STPG2: variants seen among roughly 807,000 people sequenced by gnomAD.
STPG2 encodes sperm-tail PG-rich repeat-containing protein 2.
Under a neutral mutation model 54.2 loss-of-function variants are expected in STPG2, and 56 were observed. The ratio of observed to expected loss-of-function variants is 1.03; its 90% CI spans 0.83 to 1.29. STPG2 has a LOEUF of 1.29. Ranked by LOEUF, STPG2 falls within the 50% of genes most tolerant of loss-of-function variation. STPG2 has a pLI of 0.00. For missense variants in STPG2, 596 were observed against 544.9 expected, an observed-to-expected ratio of 1.09 and a Z score of -0.93; for synonymous variants, 200 against 181.8, an observed-to-expected ratio of 1.10 and a Z score of -0.81.
At chr4:97,974,617 T>C (rs1057112944) in intron 6 of STPG2, among the ~76,000 whole-genome samples, 1 of 152,050 alleles carries the variant, frequency 6.6e-6, no homozygotes, top group African/African-American at 2.4e-5. Flanking sequence ...GTTCTCATGA[T>C]AGTGAGTAAG....
intron 10 of STPG2, among the ~76,000 whole-genome samples, chr4:97,616,634 A>AT (rs1271050529): frequency 4.6e-5 from 7 of 152,080 alleles, no homozygotes; most frequent in Admixed American, 1.3e-4. Flanking sequence ...GAATTGCATG[A>AT]TAACTGATTA....
chr4:98,074,128 G>C (rs767281259), intron 5 of STPG2, among the ~76,000 whole-genome samples: 2 of 152,130 alleles, frequency 1.3e-5, no homozygotes, highest in Non-Finnish European at 2.9e-5. Flanking sequence ...GCCTGTTATA[G>C]TTCTTTAGAT....
intron 6 of STPG2, 34 bp downstream of exon 6, chr4:97,981,125 C>A: frequency 6.3e-7 from 1 of 1,595,548 alleles, no homozygotes; most frequent in Non-Finnish European, 8.5e-7. Context: ...CTTTATAAAG[C>A]CAAAGAGTAG....
intron 5 of STPG2, among the ~76,000 whole-genome samples, chr4:98,096,573 A>T (rs1421907030): frequency 6.6e-6 from 1 of 152,140 alleles, no homozygotes; most frequent in Non-Finnish European, 1.5e-5. Context: ...TAAAATGGCA[A>T]GAGCAAACCA....
At chr4:97,651,109 C>T (rs966266749) in intron 10 of STPG2, among the ~76,000 whole-genome samples, 9 of 152,024 alleles carry the variant, frequency 5.9e-5, no homozygotes, top group African/African-American at 2.2e-4. Flanking sequence ...ACACTCCCAT[C>T]ACTTTTTCCT....
chr4:98,109,335 G>A lies in STPG2; in HGVS notation c.388-30C>T, dbSNP rs1739280414. On this transcript the variant is annotated intron_variant, in intron 3 of 10. Transcript: ENST00000295268. ...AAAATAAAAAGTTTTAAAAAGTGAG[G>A]ATGAAACATAGTTTAAATAAGTCAT... The A allele has an allele frequency of 4.0e-6, 6 of 1,498,010 alleles. No homozygotes were observed. The Admixed American group carries it at 5.3e-5, about 13-fold the overall frequency. The allele number at this position is 1,498,010 out of a possible 1,614,324, so 92.8% of individuals were successfully genotyped here.
At chr4:97,764,060 G>A (rs1021692384) in intron 9 of STPG2, among the ~76,000 whole-genome samples, 1 of 149,822 alleles carries the variant, frequency 6.7e-6, no homozygotes, top group Non-Finnish European at 1.5e-5. Context: ...ACAGAACATG[G>A]TAGAGCTTCT....
intron 10 of STPG2, among the ~76,000 whole-genome samples, chr4:97,700,846 G>T (rs1578491117): frequency 6.6e-6 from 1 of 152,204 alleles, no homozygotes; most frequent in African/African-American, 2.4e-5. Flanking sequence ...CTGAGTCAAT[G>T]GCTGCATAGC....
At chr4:97,820,517 A>G (rs1050206716) in intron 9 of STPG2, among the ~76,000 whole-genome samples, 5 of 152,218 alleles carry the variant, frequency 3.3e-5, no homozygotes, top group African/African-American at 1.2e-4. Flanking sequence ...TGCAATAGAA[A>G]AGTTCTTGAA....
downstream of STPG2, among the ~76,000 whole-genome samples, chr4:97,556,538 T>G (rs1315392717): frequency 6.6e-6 from 1 of 152,186 alleles, no homozygotes; most frequent in East Asian, 1.9e-4. Flanking sequence ...CATTTTATGA[T>G]TTGGAGGCTG....
At chr4:97,637,343 C>T (rs1319307762) in intron 10 of STPG2, among the ~76,000 whole-genome samples, 1 of 151,122 alleles carries the variant, frequency 6.6e-6, no homozygotes, top group Non-Finnish European at 1.5e-5. Context: ...GGACATATTT[C>T]AAAATAATAA....
At chr4:98,005,208 C>T (rs1735539538) in intron 5 of STPG2, among the ~76,000 whole-genome samples, 1 of 152,206 alleles carries the variant, frequency 6.6e-6, no homozygotes, top group Non-Finnish European at 1.5e-5. Flanking sequence ...TTTTTTCTAG[C>T]CACACTGGCA....
chr4:97,637,471 T>C (rs981181739), intron 10 of STPG2, among the ~76,000 whole-genome samples: 2 of 152,204 alleles, frequency 1.3e-5, no homozygotes, highest in Non-Finnish European at 2.9e-5. Flanking sequence ...CTATTCAACA[T>C]AGTGTTGGAA....
intron 5 of STPG2, among the ~76,000 whole-genome samples, chr4:98,012,174 C>T (rs1735776890): frequency 6.6e-6 from 1 of 152,156 alleles, no homozygotes; most frequent in Admixed American, 6.6e-5. Context: ...ATATGGCTAG[C>T]CAGTTTTCCC....
At chr4:98,124,592 C>T (rs1739776969) in intron 3 of STPG2, among the ~76,000 whole-genome samples, 1 of 152,170 alleles carries the variant, frequency 6.6e-6, no homozygotes, top group Non-Finnish European at 1.5e-5. Context: ...TGGCCTTTCT[C>T]TCTGACTGCC....
intron 9 of STPG2, among the ~76,000 whole-genome samples, chr4:97,806,010 C>G (rs1578581168): frequency 6.6e-6 from 1 of 151,972 alleles, no homozygotes; most frequent in African/African-American, 2.4e-5. Flanking sequence ...GGGTATGTAA[C>G]CAAAGGAAAA....
chr4:97,473,865 C>G (rs951000467), intron 4 of STPG2, among the ~76,000 whole-genome samples: 5 of 152,104 alleles, frequency 3.3e-5, no homozygotes, highest in African/African-American at 9.7e-5. Flanking sequence ...TAGAAAAGAA[C>G]CTACATGAAA....
chr4:97,729,703 A>T (rs966287544), intron 9 of STPG2, among the ~76,000 whole-genome samples: 17 of 152,144 alleles, frequency 1.1e-4, no homozygotes, highest in African/African-American at 3.6e-4. Context: ...CCCTCCTAAC[A>T]AGAGTAACAA....
At position 97,736,008 on chromosome 4, in the gene STPG2, G is replaced by C. The variant is rs567046922; in HGVS notation, c.1205-23194C>G. Among the ~76,000 whole-genome samples the C allele has an allele frequency of 1.9e-4, 29 of 152,278 alleles. 1 individual carries two copies. The South Asian group carries it at 5.0e-3, about 26-fold the overall frequency. On this transcript the variant is annotated intron_variant, in intron 9 of 10. Coordinates refer to ENST00000295268, the MANE Select transcript of STPG2 (RefSeq NM_174952.3). ...CACAATGAAATATCACTTCACACTTGTTAGGATGGCAAATACCAAAAAGAT... is the reference window on the plus strand; with the variant it reads ...CACAATGAAATATCACTTCACACTTCTTAGGATGGCAAATACCAAAAAGAT...
Sources: allele counts gnomAD v4.1 joint callset (sites outside exome capture counted in the v4.1 genomes callset), GRCh38; gene constraint gnomAD v4.1.1; transcripts MANE v1.5; gene names NCBI Gene and HGNC (gene_info 2026-07-23, HGNC 2026-07-21).